Variants in SPOCK1 observed in about 807,000 individuals in gnomAD.
The protein encoded by SPOCK1 is SPARC (osteonectin), cwcv and kazal like domains proteoglycan 1.
SPOCK1 carries 23 observed loss-of-function variants against 55.3 expected under a neutral mutation model. That is an observed-to-expected ratio of 0.42 (90% CI 0.30 to 0.59). The LOEUF (loss-of-function observed/expected upper bound fraction) is 0.59, where lower values mean the gene tolerates loss of function less well. Among genes scored for constraint, SPOCK1 ranks in the 20% least tolerant of loss-of-function variants. SPOCK1 has a pLI of 0.22. For missense variants in SPOCK1, 499 were observed against 552.5 expected, an observed-to-expected ratio of 0.90 and a Z score of 0.97; for synonymous variants, 226 against 221.0, an observed-to-expected ratio of 1.02 and a Z score of -0.20.
intron 3 of SPOCK1, among the ~76,000 whole-genome samples, chr5:137,223,282 G>T (rs951706725): frequency 6.7e-6 from 1 of 150,222 alleles, no homozygotes; most frequent in Non-Finnish European, 1.5e-5. Context: ...ATCCAAGGCA[G>T]CCCTGTACAT....
intron 2 of SPOCK1, among the ~76,000 whole-genome samples, chr5:137,378,135 G>C (rs1165979738): frequency 6.6e-6 from 1 of 151,966 alleles, no homozygotes; most frequent in Non-Finnish European, 1.5e-5. Context: ...GTAGAAATGG[G>C]GTTTCTCCAT....
chr5:137,414,926 G>A (rs1265112972), intron 2 of SPOCK1, among the ~76,000 whole-genome samples: 1 of 111,612 alleles, frequency 9.0e-6, no homozygotes, highest in Non-Finnish European at 1.7e-5. Context: ...CTATATCTTT[G>A]CTGATCAAAG....
At chr5:137,381,007 T>C (rs962008739) in intron 2 of SPOCK1, among the ~76,000 whole-genome samples, 1 of 152,142 alleles carries the variant, frequency 6.6e-6, no homozygotes, top group African/African-American at 2.4e-5. Flanking sequence ...ACACAAGTTA[T>C]GTACTTCCAA....
intron 2 of SPOCK1, among the ~76,000 whole-genome samples, chr5:137,461,765 G>A (rs989909503): frequency 3.3e-5 from 5 of 152,136 alleles, no homozygotes; most frequent in Admixed American, 1.3e-4. Flanking sequence ...TGGTACTAAC[G>A]AGATAGAGAG....
chr5:137,460,406 G>C (rs943151281), intron 2 of SPOCK1, among the ~76,000 whole-genome samples: 3 of 152,150 alleles, frequency 2.0e-5, no homozygotes, highest in Admixed American at 6.5e-5. Flanking sequence ...ACGGGATAAG[G>C]ACCAGCCTGT....
intron 2 of SPOCK1, among the ~76,000 whole-genome samples, chr5:137,416,471 G>A (rs1209163028): frequency 1.3e-5 from 2 of 152,080 alleles, no homozygotes; most frequent in South Asian, 2.1e-4. Context: ...TATACCTATC[G>A]CATTCTTTGA....
chr5:137,183,761 C>T (rs951707680), intron 3 of SPOCK1, among the ~76,000 whole-genome samples: 7 of 152,020 alleles, frequency 4.6e-5, no homozygotes, highest in African/African-American at 7.2e-5. Context: ...GCTGTGTAGA[C>T]GTTGGCAAGT....
intron 6 of SPOCK1, among the ~76,000 whole-genome samples, chr5:137,064,970 G>A (rs746998312): frequency 3.3e-5 from 5 of 152,154 alleles, no homozygotes. Flanking sequence ...GCTCACATCT[G>A]TAATCCCAGC....
chr5:137,184,418 C>G (rs1755026932), intron 3 of SPOCK1, among the ~76,000 whole-genome samples: 1 of 152,166 alleles, frequency 6.6e-6, no homozygotes, highest in South Asian at 2.1e-4. Context: ...TTGGGTCTGT[C>G]CTCGCCCCAG....
In SPOCK1 at chr5:137,023,264, T is replaced by C. The variant is rs553709585; in HGVS notation, c.590-30664A>G. Among the ~76,000 whole-genome samples the C allele has an allele frequency of 5.3e-5, 8 of 152,298 alleles. No individual in the cohort carries two copies. In the East Asian group the frequency reaches 1.5e-3, roughly 29 times the overall value. On this transcript the variant is annotated intron_variant, in intron 6 of 10. Coordinates refer to ENST00000394945, the MANE Select transcript of SPOCK1 (RefSeq NM_004598.4). ...ATATAGTAAATTTCTTAGTAAGCATTGAGAGCACTTGTTCACTAAGTTGGA... is the reference window on the plus strand; with the variant it reads ...ATATAGTAAATTTCTTAGTAAGCATCGAGAGCACTTGTTCACTAAGTTGGA...
At chr5:137,115,782 A>C (rs1325089883) in intron 4 of SPOCK1, among the ~76,000 whole-genome samples, 1 of 152,182 alleles carries the variant, frequency 6.6e-6, no homozygotes, top group Admixed American at 6.5e-5. Flanking sequence ...CAAGTATGTA[A>C]AGTTATGTAC....
intron 2 of SPOCK1, among the ~76,000 whole-genome samples, chr5:137,390,228 A>G (rs1484643025): frequency 2.0e-5 from 3 of 152,176 alleles, no homozygotes; most frequent in African/African-American, 7.2e-5. Flanking sequence ...GTCTGAAACA[A>G]GGTCATGGAG....
chr5:137,386,544 G>A (rs1751602380), intron 2 of SPOCK1, among the ~76,000 whole-genome samples: 1 of 152,180 alleles, frequency 6.6e-6, no homozygotes, highest in Non-Finnish European at 1.5e-5. Flanking sequence ...ACTGATCTTT[G>A]ACAGGGAAGC....
intron 3 of SPOCK1, among the ~76,000 whole-genome samples, chr5:137,155,535 A>G (rs1001005575): frequency 1.3e-5 from 2 of 152,236 alleles, no homozygotes; most frequent in African/African-American, 4.8e-5. Context: ...GCACTCCATC[A>G]ACAGCAGAAA....
At chr5:137,332,103 C>G (rs779752430) in intron 2 of SPOCK1, among the ~76,000 whole-genome samples, 2 of 152,176 alleles carry the variant, frequency 1.3e-5, no homozygotes, top group African/African-American at 4.8e-5. Context: ...TTTCCCCTCT[C>G]TGGCCCTGCC....
intron 2 of SPOCK1, among the ~76,000 whole-genome samples, chr5:137,473,678 C>A (rs1252654081): frequency 6.6e-6 from 1 of 152,150 alleles, no homozygotes; most frequent in Non-Finnish European, 1.5e-5. Flanking sequence ...GAAACAAAAT[C>A]ACTTTAAAAA....
intron 2 of SPOCK1, among the ~76,000 whole-genome samples, chr5:137,329,672 G>A (rs1481152238): frequency 2.0e-5 from 3 of 152,104 alleles, no homozygotes; most frequent in African/African-American, 7.2e-5. Context: ...ACAGAGGAGC[G>A]GTGTGCCCTC....
chr5:137,323,707 C>T (rs1028114412), intron 2 of SPOCK1, among the ~76,000 whole-genome samples: 3 of 151,956 alleles, frequency 2.0e-5, no homozygotes, highest in African/African-American at 7.3e-5. Flanking sequence ...ATACAAATGG[C>T]CAACATGTAT....
chr5:137,034,338 G>C (rs561460716), intron 6 of SPOCK1, among the ~76,000 whole-genome samples: 1 of 152,308 alleles, frequency 6.6e-6, no homozygotes, highest in Non-Finnish European at 1.5e-5. Flanking sequence ...AGGTGCCAAA[G>C]TTGCTGGAGA....
Sources: gnomAD v4.1 joint callset for allele counts (sites outside exome capture counted in the v4.1 genomes callset) on GRCh38, gnomAD v4.1.1 for gene constraint, MANE v1.5 for transcripts, NCBI Gene and HGNC (gene_info 2026-07-23, HGNC 2026-07-21) for gene names.